Variants in A2ML1 observed in about 807,000 individuals in gnomAD.
A2ML1 encodes the protein alpha-2-macroglobulin-like protein 1.
A neutral mutation model predicts 181.9 loss-of-function variants in A2ML1; 161 were observed. The observed-to-expected ratio is 0.89, with a 90% CI of 0.78 to 1.01. The LOEUF (loss-of-function observed/expected upper bound fraction) is 1.01, where lower values mean the gene tolerates loss of function less well. A2ML1 is among the 50% of genes least tolerant of loss of function. A2ML1 has a pLI of 0.00. For missense variants in A2ML1, 1,670 were observed against 1,768.1 expected (o/e 0.94, Z 1.00); for synonymous variants, 663 against 666.8 (o/e 0.99, Z 0.09).
chr12:8,841,020 A>ATGG (rs1263018550), intron 10 of A2ML1, among the ~76,000 whole-genome samples: 2 of 63,268 alleles, frequency 3.2e-5, no homozygotes, highest in South Asian at 3.5e-4. Flanking sequence ...GGACGGAAGG[A>ATGG]AGGAAGGAAG....
intron 26 of A2ML1, among the ~76,000 whole-genome samples, chr12:8,858,712 T>A (rs1422458658): frequency 6.6e-6 from 1 of 152,158 alleles, no homozygotes; most frequent in East Asian, 1.9e-4. Flanking sequence ...ACCTACTGAA[T>A]GAGAAACTCT....
chr12:8,867,764 G>A (rs1030578172), intron 29 of A2ML1, 78 bp from the exon 30 acceptor site: 22 of 1,281,800 alleles, frequency 1.7e-5, no homozygotes, highest in African/African-American at 1.3e-4. Flanking sequence ...ACAACCAGAT[G>A]TGTGGGTTAT....
intron 28 of A2ML1, among the ~76,000 whole-genome samples, chr12:8,862,895 T>A (rs1364527985): frequency 6.6e-6 from 1 of 152,232 alleles, no homozygotes; most frequent in Admixed American, 6.5e-5. Flanking sequence ...ATTAGTCTTC[T>A]AACGTACAGT....
chr12:8,862,191 T>A (rs10842411), intron 28 of A2ML1, among the ~76,000 whole-genome samples: 142,814 of 152,112 alleles, frequency 0.94, 67,694 homozygotes, highest in East Asian at 1. Context: ...AAATATTTTT[T>A]AAATTTTTTA....
intron 3 of A2ML1, among the ~76,000 whole-genome samples, chr12:8,827,722 GT>G (rs1223640130): frequency 6.6e-6 from 1 of 152,170 alleles, no homozygotes; most frequent in African/African-American, 2.4e-5. Context: ...TTCTGGACTT[GT>G]TTGTACCTGT....
intron 8 of A2ML1, 140 bp from the exon 9 acceptor site, chr12:8,838,196 A>T: frequency 1.8e-6 from 1 of 556,928 alleles, no homozygotes; most frequent in African/African-American, 1.9e-5. Flanking sequence ...TGTATACTTC[A>T]TGTTGTAGGA....
intron 26 of A2ML1, among the ~76,000 whole-genome samples, chr12:8,858,827 G>C (rs1034381030): frequency 4.6e-5 from 7 of 152,088 alleles, no homozygotes; most frequent in Non-Finnish European, 8.8e-5. Context: ...GCCTCTTACT[G>C]TGTCACCAAA....
At chr12:8,836,394 A>C (rs964036663) in intron 7 of A2ML1, 55 bp downstream of exon 7, 13 of 1,435,390 alleles carry the variant, frequency 9.1e-6, no homozygotes, top group Non-Finnish European at 1.3e-5. Context: ...GAGAGACATG[A>C]TGAGGGGATG....
chr12:8,874,328 A>T (rs1944728784), intron 33 of A2ML1, 97 bp from the exon 34 acceptor site: 1 of 1,000,830 alleles, frequency 1.0e-6, no homozygotes, highest in Admixed American at 2.0e-5. Flanking sequence ...GCTTCAGAAA[A>T]TCTACATGAA....
chr12:8,854,936 C>A (rs1944013184), intron 22 of A2ML1, 105 bp downstream of exon 22: 1 of 1,288,908 alleles, frequency 7.8e-7, no homozygotes, highest in African/African-American at 1.5e-5. Flanking sequence ...GCTCCGTCGT[C>A]CAGGCTGGAT....
At chr12:8,838,071 C>G (rs1249374219) in intron 8 of A2ML1, among the ~76,000 whole-genome samples, 2 of 152,204 alleles carry the variant, frequency 1.3e-5, no homozygotes, top group Non-Finnish European at 1.5e-5. Flanking sequence ...GCCTTGGAAC[C>G]AAGAAATTGA....
chr12:8,846,495 A>C (rs1943691398), intron 14 of A2ML1, among the ~76,000 whole-genome samples: 1 of 152,084 alleles, frequency 6.6e-6, no homozygotes, highest in South Asian at 2.1e-4. Flanking sequence ...TCTTTAGGTC[A>C]AGGGTTCAAG....
At chr12:8,826,064 T>C (rs7314013) in intron 3 of A2ML1, among the ~76,000 whole-genome samples, 150,078 of 152,292 alleles carry the variant, frequency 0.99, 73,979 homozygotes, top group Middle Eastern at 1. Flanking sequence ...ATAGATTTGG[T>C]TATTTTAGGT....
intron 10 of A2ML1, among the ~76,000 whole-genome samples, chr12:8,841,025 A>ACGGAC (rs1565471229): frequency 7.9e-6 from 1 of 126,234 alleles, no homozygotes; most frequent in East Asian, 2.3e-4. Context: ...GAAGGAAGGA[A>ACGGAC]GGAAGGAAGG....
chr12:8,834,690 G>T lies in A2ML1; in HGVS notation c.483+8G>T. 6.2e-7 allele frequency: 1 copy of T among 1,614,076 alleles called. No homozygotes were observed. The highest frequency in any genetic ancestry group is 8.5e-7 in the Non-Finnish European group (1 of 1,179,980). The stretch of plus-strand genomic sequence containing the variant: ...TCCATGGTGGAACTACAGGTAAGCG[G>T]AAGTTTCTTTCTCTTCTCTGTCAGT... On this transcript the variant is annotated splice_region_variant and intron_variant, in intron 5 of 35. Coordinates refer to ENST00000299698, the MANE Select transcript of A2ML1 (RefSeq NM_144670.6).
At chr12:8,870,678 G>A (rs1398838426) in intron 33 of A2ML1, among the ~76,000 whole-genome samples, 1 of 152,102 alleles carries the variant, frequency 6.6e-6, no homozygotes, top group Non-Finnish European at 1.5e-5. Context: ...TTTCATACAT[G>A]ACTTATTCAA....
At chr12:8,878,571 G>T (rs184799650), downstream of A2ML1, among the ~76,000 whole-genome samples, 21 of 152,244 alleles carry the variant, frequency 1.4e-4, no homozygotes, top group African/African-American at 4.8e-4. This position sits in a 1 kb window ranked among gnomAD's most constrained non-coding sequence, Gnocchi z 4.4. Flanking sequence ...TGGGTAACGG[G>T]ATCACTAACT....
intron 10 of A2ML1, among the ~76,000 whole-genome samples, chr12:8,839,866 G>A (rs1943409223): frequency 6.6e-6 from 1 of 152,070 alleles, no homozygotes; most frequent in Non-Finnish European, 1.5e-5. Context: ...TCCTGTCTCA[G>A]CCTCCTGAGT....
At position 8,864,067 on chromosome 12, in the gene A2ML1, T is replaced by C. The variant is rs767708336; in HGVS notation, c.3717+59T>C. The C allele has an allele frequency of 7.2e-5, 110 of 1,517,284 alleles. No individual in the cohort carries two copies. The East Asian group carries it at 2.4e-3, about 33-fold the overall frequency. 94.0% of individuals were successfully genotyped at this position (1,517,284 alleles called of 1,614,324 possible). ...GGTAGAATTAGATCTTGTGTGGAGA[T>C]AGAGGAAAACATATTGTCCTTGCCT... On this transcript the variant is annotated intron_variant, in intron 29 of 35. Coordinates refer to ENST00000299698, the MANE Select transcript of A2ML1 (RefSeq NM_144670.6).
Sources: allele counts gnomAD v4.1 joint callset (sites outside exome capture counted in the v4.1 genomes callset), GRCh38; gene constraint gnomAD v4.1.1; non-coding constraint Gnocchi (gnomAD v3.1); transcripts MANE v1.5; gene names NCBI Gene and HGNC (gene_info 2026-07-23, HGNC 2026-07-21).